ARFGEF3: variants seen among roughly 807,000 people sequenced by gnomAD.
ARFGEF3 encodes the protein brefeldin A-inhibited guanine nucleotide-exchange protein 3.
Under a neutral mutation model 221.7 loss-of-function variants are expected in ARFGEF3, and 96 were observed. The observed-to-expected ratio is 0.43, with a 90% CI of 0.37 to 0.51. ARFGEF3 has a LOEUF of 0.51. Ranked by LOEUF, ARFGEF3 falls within the 20% of genes least tolerant of loss-of-function variation. The pLI, the probability that ARFGEF3 is intolerant of heterozygous loss-of-function variation, is 0.00. For synonymous variants in ARFGEF3, 1,145 were observed against 1,126.8 expected, an observed-to-expected ratio of 1.02 and a Z score of -0.32; for missense variants, 2,410 against 2,789.9, an observed-to-expected ratio of 0.86 and a Z score of 3.07.
intron 7 of ARFGEF3, among the ~76,000 whole-genome samples, chr6:138,244,252 C>A (rs1778445001): frequency 6.6e-6 from 1 of 152,204 alleles, no homozygotes; most frequent in African/African-American, 2.4e-5. Context: ...TCTTTCCCTG[C>A]CTTCCTCCAA....
intron 2 of ARFGEF3, among the ~76,000 whole-genome samples, chr6:138,189,325 A>C (rs1359230324): frequency 6.6e-6 from 1 of 152,224 alleles, no homozygotes; most frequent in Non-Finnish European, 1.5e-5. Context: ...TTGACACATC[A>C]TGTCACTTGA....
intron 4 of ARFGEF3, 36 bp from the exon 5 acceptor site, chr6:138,229,748 C>T: frequency 6.6e-7 from 1 of 1,519,026 alleles, no homozygotes; most frequent in Non-Finnish European, 9.1e-7. Flanking sequence ...TACTGTTAAC[C>T]CCTTGTCTCT....
intron 22 of ARFGEF3, among the ~76,000 whole-genome samples, chr6:138,306,977 T>G (rs370962629): frequency 1.6e-5 from 2 of 127,886 alleles, no homozygotes; most frequent in Admixed American, 7.7e-5. Context: ...AAAAAGAAAA[T>G]AACAAGAAGA....
intron 4 of ARFGEF3, among the ~76,000 whole-genome samples, chr6:138,227,050 T>G (rs768153677): frequency 4.6e-5 from 7 of 152,064 alleles, no homozygotes; most frequent in Non-Finnish European, 1.0e-4. Context: ...TTTGTTTTTT[T>G]TTTTTCCATA....
chr6:138,181,860 G>A (rs934251620), intron 2 of ARFGEF3, among the ~76,000 whole-genome samples: 1 of 152,102 alleles, frequency 6.6e-6, no homozygotes, highest in Non-Finnish European at 1.5e-5. Flanking sequence ...TCCTGCTTTC[G>A]TTTCAAACTG....
At chr6:138,286,179 G>A (rs189923502) in intron 15 of ARFGEF3, 126 bp downstream of exon 15, 23 of 656,220 alleles carry the variant, frequency 3.5e-5, no homozygotes, top group Middle Eastern at 2.8e-4. Flanking sequence ...GGCCGGGCCC[G>A]GTGGCTCACG....
In ARFGEF3 at chr6:138,189,805, A is replaced by G. The variant is rs1473770966; in HGVS notation, c.138-17237A>G. Among the ~76,000 whole-genome samples the G allele has an allele frequency of 2.6e-5, 4 of 152,160 alleles. No homozygotes were observed. The East Asian group carries it at 7.7e-4, about 29-fold the overall frequency. ...AGTTTTTAAAATGTATATGGTCAGG[A>G]ATGGTGACTCATGCCTGTAATCTCA... On this transcript the variant is annotated intron_variant, in intron 2 of 33. Transcript: ENST00000251691.
intron 2 of ARFGEF3, among the ~76,000 whole-genome samples, chr6:138,187,800 A>C (rs978990836): frequency 6.6e-6 from 1 of 152,134 alleles, no homozygotes; most frequent in African/African-American, 2.4e-5. Context: ...CTCAGCATCC[A>C]CCTGATGTGA....
intron 31 of ARFGEF3, among the ~76,000 whole-genome samples, chr6:138,327,484 G>A (rs1022330250): frequency 2.0e-5 from 3 of 152,138 alleles, no homozygotes; most frequent in African/African-American, 7.2e-5. Flanking sequence ...CCAGAGGAAA[G>A]TAGTGAAAGT....
intron 23 of ARFGEF3, 61 bp downstream of exon 23, chr6:138,307,458 T>A: frequency 2.7e-6 from 4 of 1,470,878 alleles, no homozygotes; most frequent in South Asian, 1.2e-5. Context: ...AGTTTCATGC[T>A]ATTAAAAAAA....
At chr6:138,205,764 T>A (rs183843571) in intron 2 of ARFGEF3, among the ~76,000 whole-genome samples, 2 of 152,290 alleles carry the variant, frequency 1.3e-5, no homozygotes. Flanking sequence ...ACTGTAACAT[T>A]GGGTTGTTGA....
intron 4 of ARFGEF3, among the ~76,000 whole-genome samples, chr6:138,224,785 G>A (rs991070338): frequency 1.3e-5 from 2 of 152,172 alleles, no homozygotes; most frequent in Admixed American, 6.5e-5. Context: ...TTTAAGTAGT[G>A]TATCTAAACT....
chr6:138,316,755 A>G (rs1356322571), intron 26 of ARFGEF3, among the ~76,000 whole-genome samples: 2 of 152,362 alleles, frequency 1.3e-5, no homozygotes, highest in Admixed American at 6.5e-5. Context: ...TAATAGCTCC[A>G]GGGTTTCTGT....
intron 10 of ARFGEF3, among the ~76,000 whole-genome samples, chr6:138,256,539 T>C (rs1778685249): frequency 2.6e-5 from 4 of 152,042 alleles, no homozygotes; most frequent in Admixed American, 1.3e-4. Context: ...TGCCAACCAA[T>C]ATCTAGAAGT....
intron 1 of ARFGEF3, among the ~76,000 whole-genome samples, chr6:138,164,130 C>G (rs956754668): frequency 6.6e-6 from 1 of 152,158 alleles, no homozygotes; most frequent in Admixed American, 6.5e-5. Context: ...GAACAAAGGC[C>G]TATAGGGATA....
At chr6:138,213,013 A>C (rs1054545998) in intron 4 of ARFGEF3, among the ~76,000 whole-genome samples, 3 of 151,932 alleles carry the variant, frequency 2.0e-5, no homozygotes, top group African/African-American at 7.3e-5. Context: ...AGTATAATTA[A>C]AAAAATACCG....
At chr6:138,251,294 C>G (rs946020643) in intron 8 of ARFGEF3, among the ~76,000 whole-genome samples, 1 of 152,124 alleles carries the variant, frequency 6.6e-6, no homozygotes, top group Non-Finnish European at 1.5e-5. Flanking sequence ...TTTTGTGATG[C>G]TAGACTGACA....
At chr6:138,323,620 A>AAAC (rs200863305) in intron 29 of ARFGEF3, 51 bp from the exon 30 acceptor site, 39 of 1,560,394 alleles carry the variant, frequency 2.5e-5, no homozygotes, top group Non-Finnish European at 3.0e-5. Flanking sequence ...TGAAAAAAAC[A>AAAC]AACAACAACA....
chr6:138,258,788 G>A (rs2076269), intron 10 of ARFGEF3, among the ~76,000 whole-genome samples: 11,959 of 152,208 alleles, frequency 0.079, 794 homozygotes, highest in East Asian at 0.36. Flanking sequence ...TCTACAAAGA[G>A]GCTATTTTAT....
Sources: allele counts gnomAD v4.1 joint callset (sites outside exome capture counted in the v4.1 genomes callset), GRCh38; gene constraint gnomAD v4.1.1; transcripts MANE v1.5; gene names NCBI Gene and HGNC (gene_info 2026-07-23, HGNC 2026-07-21).